Variants in SPAST observed in about 807,000 individuals in gnomAD.
SPAST encodes spastin, also known as spastic paraplegia 4 (autosomal dominant; spastin).
SPAST carries 30 observed loss-of-function variants against 76.6 expected under a neutral mutation model. The ratio of observed to expected loss-of-function variants is 0.39; its 90% CI spans 0.29 to 0.53. The LOEUF is 0.53. Among genes scored for constraint, SPAST ranks in the 20% least tolerant of loss-of-function variants. SPAST has a pLI of 0.68. For missense variants in SPAST, 717 were observed against 770.5 expected (o/e 0.93, Z 0.82); for synonymous variants, 305 against 281.0 (o/e 1.09, Z -0.86).
intron 16 of SPAST, among the ~76,000 whole-genome samples, chr2:32,148,564 C>CT (rs1679970205): frequency 6.6e-6 from 1 of 151,912 alleles, no homozygotes; most frequent in South Asian, 2.1e-4. Context: ...AATCCCAGCA[C>CT]TTTGGGAGGC....
rs908317472 is a variant in SPAST, at chr2:32,105,328, C to A, written c.682+6437C>A. Among the ~76,000 whole-genome samples, 11 of 152,106 alleles carry A rather than the reference C, an allele frequency of 7.2e-5. 1 individual carries two copies. Among genetic ancestry groups the A allele is most frequent in the African/African-American group, 2.7e-4 (11 of 41,426 alleles). On this transcript the variant is annotated intron_variant, in intron 4 of 16. Transcript: ENST00000315285. ...CAGGCCATTTAAGGTCTTCTCCATGCTGTTTATTCTAGTTAGCCATTTGTC... is the reference window on the plus strand; with the variant it reads ...CAGGCCATTTAAGGTCTTCTCCATGATGTTTATTCTAGTTAGCCATTTGTC...
intron 1 of SPAST, among the ~76,000 whole-genome samples, chr2:32,086,428 T>C (rs1250798078): frequency 1.3e-5 from 2 of 151,052 alleles, no homozygotes; most frequent in Admixed American, 1.3e-4. Context: ...ATTGTGCCCC[T>C]GCACTCTAGT....
intron 1 of SPAST, among the ~76,000 whole-genome samples, chr2:32,073,598 A>C (rs1676837850): frequency 6.6e-6 from 1 of 152,008 alleles, no homozygotes; most frequent in Non-Finnish European, 1.5e-5. Context: ...TAAAGTGCGG[A>C]GATTACAGGC....
At chr2:32,113,242 C>T (rs1678684508) in intron 4 of SPAST, among the ~76,000 whole-genome samples, 2 of 151,846 alleles carry the variant, frequency 1.3e-5, no homozygotes, top group African/African-American at 4.8e-5. Flanking sequence ...TGTGCCACCA[C>T]GCCCAGCTAT....
Position 32,087,560 on chromosome 2 carries a change from GT to G in SPAST, c.486del (p.Ile163Ter). ...TGAAGAACTGGAAAAAGGAATAGCT[GT>G]TATAGTTACAGGACAAGGTAAGATT... ...GIEELEKGIA[V>X]IVTGQGEQCE... On this transcript the variant is annotated frameshift_variant, in exon 2 of 17. Transcript: ENST00000315285. LOFTEE classifies it high-confidence loss of function. 6.3e-7 allele frequency: 1 copy of G among 1,596,098 alleles called. No individual in the cohort carries two copies. The highest frequency in any genetic ancestry group is 8.6e-7 in the Non-Finnish European group (1 of 1,164,926).
At chr2:32,121,179 TCTCA>T (rs1164196718) in intron 7 of SPAST, among the ~76,000 whole-genome samples, 5 of 151,852 alleles carry the variant, frequency 3.3e-5, no homozygotes, top group African/African-American at 1.2e-4. Context: ...GGGGAAGGAG[TCTCA>T]CTCTTCTCAC....
At chr2:32,142,079 A>G (rs1223310924) in intron 13 of SPAST, 133 bp downstream of exon 13, 2 of 740,184 alleles carry the variant, frequency 2.7e-6, no homozygotes, top group African/African-American at 1.8e-5. Context: ...AAAGATGTAC[A>G]TAAGCTTACT....
intron 3 of SPAST, among the ~76,000 whole-genome samples, chr2:32,097,362 T>C (rs1046254251): frequency 7.2e-5 from 11 of 152,160 alleles, no homozygotes; most frequent in Admixed American, 5.2e-4. Flanking sequence ...TTTTAACAAG[T>C]TTGAGTGTGA....
intron 4 of SPAST, among the ~76,000 whole-genome samples, chr2:32,105,051 CA>C (rs1180354440): frequency 6.6e-6 from 1 of 152,140 alleles, no homozygotes; most frequent in Non-Finnish European, 1.5e-5. Context: ...GAGTGTTTTC[CA>C]ACTTGGTTCC....
intron 14 of SPAST, among the ~76,000 whole-genome samples, chr2:32,144,489 A>G (rs560259476): frequency 1.1e-4 from 16 of 152,338 alleles, no homozygotes; most frequent in Admixed American, 5.9e-4. Context: ...GGGCCTTTCT[A>G]TTCCCTTAAA....
chr2:32,141,433 A>G (rs181724448), intron 12 of SPAST, among the ~76,000 whole-genome samples: 48 of 152,182 alleles, frequency 3.2e-4, no homozygotes, highest in African/African-American at 1.0e-3. Flanking sequence ...GGAAAACTGT[A>G]CTCTGACAGT....
At chr2:32,088,309 A>C (rs1239239027) in intron 2 of SPAST, among the ~76,000 whole-genome samples, 1 of 152,078 alleles carries the variant, frequency 6.6e-6, no homozygotes, top group Non-Finnish European at 1.5e-5. Context: ...GTGGGATTAC[A>C]GGCATGAGCC....
intron 2 of SPAST, among the ~76,000 whole-genome samples, chr2:32,089,148 A>G (rs1677609277): frequency 6.7e-6 from 1 of 149,302 alleles, no homozygotes; most frequent in Non-Finnish European, 1.5e-5. Context: ...TGCAACATCC[A>G]CTTCCTGGGG....
intron 1 of SPAST, among the ~76,000 whole-genome samples, chr2:32,073,408 A>C (rs946225293): frequency 1.3e-5 from 2 of 152,010 alleles, no homozygotes; most frequent in Admixed American, 1.3e-4. Context: ...TCTCTGTTCC[A>C]CCCAGTAGTA....
In SPAST at chr2:32,108,721, GA is replaced by G. The variant is rs1180519855; in HGVS notation, c.683-5916del. Among the ~76,000 whole-genome samples, 4 of 142,606 alleles carry G rather than the reference GA, an allele frequency of 2.8e-5. No homozygotes were observed. The South Asian group carries it at 7.3e-4, about 26-fold the overall frequency. 93.6% of individuals were successfully genotyped at this position (142,606 alleles called of 152,430 possible). A position where few individuals can be genotyped will look rare whatever the true frequency, so the allele number is the denominator to read the frequency against. On this transcript the variant is annotated intron_variant, in intron 4 of 16. Coordinates refer to ENST00000315285, the MANE Select transcript of SPAST (RefSeq NM_014946.4). ...CCGCCTCAGACTCCCAGAGTGTTGG[GA>G]TTATAGGTGTGAGCTACTGTGCCTG...
At chr2:32,111,886 G>A (rs1418355444) in intron 4 of SPAST, among the ~76,000 whole-genome samples, 1 of 149,632 alleles carries the variant, frequency 6.7e-6, no homozygotes, top group Non-Finnish European at 1.5e-5. Context: ...TGTTCCTTGT[G>A]GAAATGTCTA....
chr2:32,094,955 C>A (rs1031571389), intron 3 of SPAST, among the ~76,000 whole-genome samples: 1 of 152,142 alleles, frequency 6.6e-6, no homozygotes, highest in Non-Finnish European at 1.5e-5. Flanking sequence ...GGCAACAAAG[C>A]GAGACTCCGT....
chr2:32,078,571 GC>G (rs1215814622), intron 1 of SPAST, among the ~76,000 whole-genome samples: 1 of 152,132 alleles, frequency 6.6e-6, no homozygotes, highest in Non-Finnish European at 1.5e-5. Context: ...GATTGCTTGA[GC>G]CCAGAATTTC....
intron 1 of SPAST, among the ~76,000 whole-genome samples, chr2:32,066,601 G>A (rs1676520695): frequency 6.6e-6 from 1 of 151,930 alleles, no homozygotes; most frequent in African/African-American, 2.4e-5. Flanking sequence ...CTGGAAGGTG[G>A]AGGTTGCAGT....
Sources: gnomAD v4.1 joint callset for allele counts (sites outside exome capture counted in the v4.1 genomes callset) on GRCh38, gnomAD v4.1.1 for gene constraint, MANE v1.5 for transcripts, NCBI Gene and HGNC (gene_info 2026-07-23, HGNC 2026-07-21) for gene names.